The following NRXN1 variants were observed in gnomAD, a reference collection of about 807,000 sequenced individuals.
NRXN1 encodes the protein neurexin-1.
Under a neutral mutation model 150.9 loss-of-function variants are expected in NRXN1, and 39 were observed. That is an observed-to-expected ratio of 0.26 (90% CI 0.20 to 0.34). The LOEUF is 0.34. Among genes scored for constraint, NRXN1 ranks in the 10% least tolerant of loss-of-function variants. NRXN1 has a pLI of 1.00. For missense variants in NRXN1, 1,815 were observed against 1,949.9 expected, an observed-to-expected ratio of 0.93 and a Z score of 1.30; for synonymous variants, 924 against 757.0, an observed-to-expected ratio of 1.22 and a Z score of -3.62.
intron 5 of NRXN1, among the ~76,000 whole-genome samples, chr2:50,745,245 A>G (rs2105296607): frequency 6.6e-6 from 1 of 151,918 alleles, no homozygotes; most frequent in South Asian, 2.1e-4. Flanking sequence ...CTATCACAAT[A>G]CTTGGTCCAT....
At chr2:50,234,444 A>G (rs2065235493) in intron 18 of NRXN1, among the ~76,000 whole-genome samples, 1 of 152,056 alleles carries the variant, frequency 6.6e-6, no homozygotes, top group South Asian at 2.1e-4. Flanking sequence ...CAGTGAACTG[A>G]GATTGCATCA....
intron 17 of NRXN1, among the ~76,000 whole-genome samples, chr2:50,374,842 T>C (rs1441796119): frequency 6.6e-6 from 1 of 152,168 alleles, no homozygotes; most frequent in Non-Finnish European, 1.5e-5. Context: ...CTGCAACAGG[T>C]TTCTGTAAAA....
intron 18 of NRXN1, among the ~76,000 whole-genome samples, chr2:50,099,904 G>A (rs115536207): frequency 6.6e-6 from 1 of 152,084 alleles, no homozygotes; most frequent in Admixed American, 6.6e-5. Context: ...TGCTGAGGCA[G>A]AGCATGCTTG....
chr2:50,828,062 G>C (rs9751942), intron 5 of NRXN1, among the ~76,000 whole-genome samples: 77,433 of 146,368 alleles, frequency 0.53, 22,200 homozygotes, highest in Non-Finnish European at 0.66. Context: ...ACCTTTCCCC[G>C]CTTTCTATTC....
rs1337828997 is a variant in NRXN1 at position 50,346,723 on chromosome 2, T to C, written c.3365-109753A>G. The C allele has an allele frequency of 6.2e-7, 1 of 1,613,594 alleles. No homozygotes were observed. The highest frequency in any genetic ancestry group is 8.5e-7 in the Non-Finnish European group (1 of 1,179,840). On this transcript the variant is annotated intron_variant, in intron 17 of 22. Coordinates refer to ENST00000401669, the MANE Select transcript of NRXN1 (RefSeq NM_001330078.2). The surrounding 1 kb of genome is among the most constrained non-coding windows in gnomAD (Gnocchi z 5.0). Reference sequence around the variant, plus strand: ...GCCTCGCAAGGATGCCGGTGACCTGTAGATTGCAATAGGCACTGAATGATG... The same window carrying C: ...GCCTCGCAAGGATGCCGGTGACCTGCAGATTGCAATAGGCACTGAATGATG...
intron 8 of NRXN1, among the ~76,000 whole-genome samples, chr2:50,595,598 C>T (rs1195171840): frequency 6.6e-6 from 1 of 152,056 alleles, no homozygotes; most frequent in Non-Finnish European, 1.5e-5. Context: ...TCCTCCCGGA[C>T]AGATAGACCT....
chr2:51,029,764 T>A (rs563789134), intron 1 of NRXN1, among the ~76,000 whole-genome samples: 1 of 152,358 alleles, frequency 6.6e-6, no homozygotes, highest in East Asian at 1.9e-4. Flanking sequence ...TTTATATTAA[T>A]GAATAATCTG....
At chr2:50,312,751 T>A (rs2075282433) in intron 17 of NRXN1, 1 of 516,882 alleles carries the variant, frequency 1.9e-6, no homozygotes, top group African/African-American at 1.9e-5. Context: ...GCCAAATACA[T>A]ATGTTGCAAT....
chr2:50,517,783 A>T (rs1304268288), intron 12 of NRXN1, among the ~76,000 whole-genome samples: 1 of 152,134 alleles, frequency 6.6e-6, no homozygotes, highest in African/African-American at 2.4e-5. Flanking sequence ...GTATTTAATT[A>T]TAAAAAAACA....
At chr2:50,667,140 T>C (rs1217793515) in intron 5 of NRXN1, among the ~76,000 whole-genome samples, 1 of 151,730 alleles carries the variant, frequency 6.6e-6, no homozygotes, top group Non-Finnish European at 1.5e-5. Flanking sequence ...AAAAAATTTA[T>C]AAATTGAAAT....
At chr2:51,031,804 A>T (rs1284401052) in intron 1 of NRXN1, among the ~76,000 whole-genome samples, 177 bp downstream of exon 1, 5 of 151,884 alleles carry the variant, frequency 3.3e-5, no homozygotes, top group Admixed American at 3.3e-4. Flanking sequence ...TCTTCTTGCC[A>T]TCTATTTAAA....
chr2:50,386,385 A>T (rs2081328860), intron 17 of NRXN1, among the ~76,000 whole-genome samples: 1 of 152,120 alleles, frequency 6.6e-6, no homozygotes, highest in South Asian at 2.1e-4. Context: ...TCTCAACACA[A>T]GCCAATCATG....
At chr2:49,994,023 T>C (rs1023637657) in intron 21 of NRXN1, among the ~76,000 whole-genome samples, 1 of 152,134 alleles carries the variant, frequency 6.6e-6, no homozygotes, top group African/African-American at 2.4e-5. Context: ...TCAGGAACAA[T>C]ACAGAAACTG....
intron 17 of NRXN1, among the ~76,000 whole-genome samples, chr2:50,380,293 TGTGC>T (rs775965111): frequency 4.0e-5 from 6 of 148,884 alleles, no homozygotes; most frequent in South Asian, 2.1e-4. Flanking sequence ...TGTGTGTGTG[TGTGC>T]GTGTGTGTGT....
intron 17 of NRXN1, among the ~76,000 whole-genome samples, chr2:50,298,849 G>C (rs1040397918): frequency 1.6e-4 from 24 of 152,194 alleles, no homozygotes; most frequent in African/African-American, 5.8e-4. Context: ...ATGATTAATA[G>C]GTGTCTCTGT....
chr2:50,296,700 T>G (rs538508161), intron 17 of NRXN1, among the ~76,000 whole-genome samples: 4 of 152,048 alleles, frequency 2.6e-5, no homozygotes, highest in Admixed American at 1.3e-4. Flanking sequence ...ACTCCTGGCT[T>G]CAAATGATTC....
In NRXN1 at chr2:50,966,424, C is replaced by T. The variant is rs57599140; in HGVS notation, c.773-40469G>A. ...GGTCTGGCCTGTTACTTTAGTCTTC[C>T]GCTGACAATAACGGAGGGCCTTATT... is the stretch of plus-strand genomic sequence containing the variant. On this transcript the variant is annotated intron_variant, in intron 2 of 22. Coordinates refer to ENST00000401669, the MANE Select transcript of NRXN1 (RefSeq NM_001330078.2). Among the ~76,000 whole-genome samples, 652 of 151,460 alleles carry T rather than the reference C, an allele frequency of 4.3e-3. 9 individuals carry two copies. The highest frequency in any genetic ancestry group is 0.015 in the African/African-American group (612 of 41,400).
chr2:50,603,122 C>A (rs1364288261), intron 8 of NRXN1, among the ~76,000 whole-genome samples: 1 of 152,194 alleles, frequency 6.6e-6, no homozygotes, highest in East Asian at 1.9e-4. Context: ...GAGGCAACTG[C>A]ACACAGAGCT....
At chr2:50,290,459 G>A (rs1437347927) in intron 17 of NRXN1, among the ~76,000 whole-genome samples, 1 of 152,138 alleles carries the variant, frequency 6.6e-6, no homozygotes, top group African/African-American at 2.4e-5. Flanking sequence ...ACAAGTCATA[G>A]GCATAACACC....
Sources: gnomAD v4.1 joint callset for allele counts (sites outside exome capture counted in the v4.1 genomes callset) on GRCh38, gnomAD v4.1.1 for gene constraint, Gnocchi (gnomAD v3.1) non-coding constraint, MANE v1.5 for transcripts, NCBI Gene and HGNC (gene_info 2026-07-23, HGNC 2026-07-21) for gene names.